SSH2: variants seen among roughly 807,000 people sequenced by gnomAD.
SSH2 encodes the protein slingshot protein phosphatase 2, also known as protein phosphatase Slingshot homolog 2.
A neutral mutation model predicts 135.2 loss-of-function variants in SSH2; 37 were observed. The ratio of observed to expected loss-of-function variants is 0.27; its 90% CI spans 0.21 to 0.36. The LOEUF is 0.36. SSH2 is among the 10% of genes least tolerant of loss of function. The probability of loss-of-function intolerance (pLI) is 1.00; values close to 1 mark genes in which losing one functional copy is unlikely to be tolerated. For missense variants in SSH2, 1,408 were observed against 1,765.3 expected, an observed-to-expected ratio of 0.80 and a Z score of 3.63; for synonymous variants, 628 against 646.2, an observed-to-expected ratio of 0.97 and a Z score of 0.43.
At chr17:29,706,544 C>T (rs759976408) in intron 3 of SSH2, among the ~76,000 whole-genome samples, 12 of 152,126 alleles carry the variant, frequency 7.9e-5, no homozygotes, top group Non-Finnish European at 1.2e-4. Flanking sequence ...ACTCACATTA[C>T]GGGAACAACC....
intron 1 of SSH2, among the ~76,000 whole-genome samples, chr17:29,865,406 T>A (rs1255555779): frequency 1.3e-5 from 2 of 152,202 alleles, no homozygotes; most frequent in Non-Finnish European, 2.9e-5. Context: ...CAGTTTCCTA[T>A]CCAGTCTATA....
chr17:29,829,830 G>C (rs949442007), intron 2 of SSH2, among the ~76,000 whole-genome samples: 1 of 148,862 alleles, frequency 6.7e-6, no homozygotes, highest in Non-Finnish European at 1.5e-5. Context: ...AAGAAATAAA[G>C]ATCAAGATTT....
At position 29,761,240 on chromosome 17, in the gene SSH2, G is replaced by A. The variant is rs970967849; in HGVS notation, c.188+32654C>T. 3.1e-6 allele frequency: 4 copies of A among 1,289,474 alleles called. No individual in the cohort carries two copies. In the African/African-American group the frequency reaches 6.1e-5, roughly 20 times the overall value. The allele number at this position is 1,289,474 out of a possible 1,614,324, so 79.9% of individuals were successfully genotyped here. A position where few individuals can be genotyped will look rare whatever the true frequency, so the allele number is the denominator to read the frequency against. On this transcript the variant is annotated intron_variant, in intron 3 of 15. Transcript: ENST00000540801. Reference sequence around the variant, plus strand: ...ACCGAGGCTGCAGGTGCAAGCGAGGGGCGCCTTCCTCTTGCGGGCCAACGT... The same window carrying A: ...ACCGAGGCTGCAGGTGCAAGCGAGGAGCGCCTTCCTCTTGCGGGCCAACGT...
chr17:29,873,432 G>A (rs1054314274), intron 1 of SSH2, among the ~76,000 whole-genome samples: 1 of 151,918 alleles, frequency 6.6e-6, no homozygotes, highest in African/African-American at 2.4e-5. Context: ...GGTGGTGCAC[G>A]CCTGTAATCC....
At chr17:29,709,086 G>A (rs2039344780) in intron 3 of SSH2, among the ~76,000 whole-genome samples, 1 of 146,386 alleles carries the variant, frequency 6.8e-6, no homozygotes, top group African/African-American at 2.5e-5. Context: ...GATATCTACT[G>A]TATGCTAGGT....
chr17:29,886,439 A>G (rs908234855), intron 1 of SSH2, among the ~76,000 whole-genome samples: 2 of 151,976 alleles, frequency 1.3e-5, no homozygotes, highest in Admixed American at 1.3e-4. Flanking sequence ...GTTCAAGAAG[A>G]AGCAGCGCAT....
chr17:29,919,414 C>T (rs575572315), intron 1 of SSH2, among the ~76,000 whole-genome samples: 2 of 152,118 alleles, frequency 1.3e-5, no homozygotes, highest in East Asian at 1.9e-4. Context: ...TTCAGAGCCA[C>T]GAGTACCTCA....
At chr17:29,651,491 T>C (rs565215050) in intron 12 of SSH2, among the ~76,000 whole-genome samples, 1 of 152,338 alleles carries the variant, frequency 6.6e-6, no homozygotes, top group South Asian at 2.1e-4. Context: ...ATCAAAACAG[T>C]CTTCTATTAT....
chr17:29,926,862 T>C (rs2067076835), intron 1 of SSH2, among the ~76,000 whole-genome samples: 1 of 152,174 alleles, frequency 6.6e-6, no homozygotes, highest in Admixed American at 6.5e-5. Context: ...CTATAGAAAT[T>C]CAATCCATCC....
chr17:29,691,369 C>CTA (rs2038464603), intron 5 of SSH2, among the ~76,000 whole-genome samples: 1 of 152,132 alleles, frequency 6.6e-6, no homozygotes, highest in Non-Finnish European at 1.5e-5. Flanking sequence ...TGCAAGAGTA[C>CTA]TATAAAACCA....
intron 1 of SSH2, among the ~76,000 whole-genome samples, chr17:29,904,074 A>G (rs2066609048): frequency 6.6e-6 from 1 of 152,180 alleles, no homozygotes. Flanking sequence ...CCAGAGGTAC[A>G]AAGAAGAGCT....
chr17:29,846,880 A>C (rs1029507205), intron 2 of SSH2, among the ~76,000 whole-genome samples: 6 of 152,242 alleles, frequency 3.9e-5, no homozygotes, highest in Non-Finnish European at 8.8e-5. Flanking sequence ...TTTTATGGTC[A>C]AGGTTTGTAG....
rs757255245 is a variant in SSH2 at position 29,632,460 on chromosome 17, C to T, written c.2734G>A (p.Gly912Ser). 2 of 1,614,198 alleles carry T rather than the reference C, an allele frequency of 1.2e-6. No individual in the cohort carries two copies. Among genetic ancestry groups the T allele is most frequent in the Non-Finnish European group, 8.5e-7 (1 of 1,180,032 alleles). Residue 912 changes from glycine (G) to serine (S), a missense_variant, in exon 16 of 16, where the codon GGT (glycine) becomes AGT (serine). Coordinates refer to ENST00000540801, the MANE Select transcript of SSH2 (RefSeq NM_001282129.2). The stretch of plus-strand genomic sequence containing the variant: ...AATGAGGTACATGTTGGGGCAGCAC[C>T]ATGATGCTCTTGCTCCTGCCGTAAG... ...ERLRQEQEHH[G>S]AAPTCTSLST...
intron 1 of SSH2, among the ~76,000 whole-genome samples, chr17:29,911,285 C>T (rs80222792): frequency 2.4e-5 from 1 of 41,172 alleles, no homozygotes; most frequent in East Asian, 2.0e-3. Flanking sequence ...AGAAACTGTG[C>T]CCCTCAGACA....
At chr17:29,842,274 C>T (rs983768722) in intron 2 of SSH2, among the ~76,000 whole-genome samples, 2 of 151,570 alleles carry the variant, frequency 1.3e-5, no homozygotes, top group Admixed American at 6.6e-5. Flanking sequence ...GCTAACATGA[C>T]GAAACCCTGT....
At chr17:29,889,705 T>A (rs897140873) in intron 1 of SSH2, among the ~76,000 whole-genome samples, 5 of 141,726 alleles carry the variant, frequency 3.5e-5, no homozygotes, top group African/African-American at 8.0e-5. Context: ...CTGGAATACA[T>A]AAAGAACTCT....
At chr17:29,763,843 T>C (rs2041380663) in intron 3 of SSH2, among the ~76,000 whole-genome samples, 1 of 152,170 alleles carries the variant, frequency 6.6e-6, no homozygotes, top group South Asian at 2.1e-4. Flanking sequence ...AAGGAGGCTA[T>C]GTTAACGTCC....
At chr17:29,893,287 C>CAA (rs149085067) in intron 1 of SSH2, among the ~76,000 whole-genome samples, 16 of 142,878 alleles carry the variant, frequency 1.1e-4, no homozygotes, top group Non-Finnish European at 2.0e-4. Context: ...GGAATTTAGG[C>CAA]AAAAAAAAAG....
chr17:29,873,459 T>C (rs1045739932), intron 1 of SSH2, among the ~76,000 whole-genome samples: 2 of 151,950 alleles, frequency 1.3e-5, no homozygotes, highest in Non-Finnish European at 2.9e-5. Flanking sequence ...CTCGGGAGGC[T>C]GAGGCGGGAG....
Sources: allele counts gnomAD v4.1 joint callset (sites outside exome capture counted in the v4.1 genomes callset), GRCh38; gene constraint gnomAD v4.1.1; transcripts MANE v1.5; gene names NCBI Gene and HGNC (gene_info 2026-07-23, HGNC 2026-07-21).